Variants in PCDHA11 observed in about 807,000 individuals in gnomAD.
PCDHA11 encodes protocadherin alpha 11.
A neutral mutation model predicts 70.3 loss-of-function variants in PCDHA11; 61 were observed. That is an observed-to-expected ratio of 0.87 (90% confidence interval 0.71 to 1.07). The LOEUF is 1.07. Among genes scored for constraint, PCDHA11 ranks in the 50% least tolerant of loss-of-function variants. PCDHA11 has a pLI of 0.00. For missense variants in PCDHA11, 1,324 were observed against 1,237.5 expected (o/e 1.07, Z -1.05); for synonymous variants, 633 against 555.1 (o/e 1.14, Z -1.97).
intron 3 of PCDHA11, among the ~76,000 whole-genome samples, chr5:141,005,306 C>T (rs1563689503): frequency 6.6e-6 from 1 of 152,158 alleles, no homozygotes; most frequent in Non-Finnish European, 1.5e-5. Context: ...CTTTGTGAAT[C>T]TTACAGTGGT....
intron 1 of PCDHA11, chr5:140,927,658 C>T (rs782350503): frequency 5.0e-6 from 8 of 1,614,094 alleles, no homozygotes; most frequent in Non-Finnish European, 6.8e-6. Context: ...ATTCCGAGTT[C>T]AAGCCTTGGA....
At chr5:140,891,819 G>C (rs1282245838) in intron 1 of PCDHA11, among the ~76,000 whole-genome samples, 3 of 152,098 alleles carry the variant, frequency 2.0e-5, no homozygotes, top group African/African-American at 7.2e-5. Context: ...ATAAATTAAC[G>C]GCACTGTAAA....
intron 1 of PCDHA11, among the ~76,000 whole-genome samples, chr5:140,925,132 T>G (rs2082347636): frequency 6.6e-6 from 1 of 151,168 alleles, no homozygotes; most frequent in Non-Finnish European, 1.5e-5. Context: ...GAAAAAAAAT[T>G]TCAAACATAC....
chr5:140,911,405 C>T (rs565928237), intron 1 of PCDHA11, among the ~76,000 whole-genome samples: 45 of 152,276 alleles, frequency 3.0e-4, no homozygotes, highest in South Asian at 1.5e-3. Flanking sequence ...AGGTCAGCCA[C>T]TGGTATGATA....
intron 2 of PCDHA11, among the ~76,000 whole-genome samples, chr5:140,982,179 T>C (rs950269342): frequency 6.6e-6 from 1 of 152,396 alleles, no homozygotes. Flanking sequence ...CTTAGTCCTC[T>C]GATGGGCTTC....
chr5:140,870,992 T>G lies in PCDHA11; in HGVS notation c.1889T>G (p.Ile630Arg), dbSNP rs782714479. Residue 630 changes from isoleucine (I) to arginine (R), a missense_variant, in exon 1 of 4, where the codon ATA (isoleucine) becomes AGA (arginine). Ile to Arg is a moderately conservative substitution (Grantham distance 97). Transcript: ENST00000398640. ...PFRVGLYTGE[I>R]STTRALDEAD... ...CGCGTGGGGCTGTACACGGGCGAGA[T>G]AAGCACAACGCGTGCCCTGGACGAG... 1.9e-6 allele frequency: 3 copies of G among 1,613,478 alleles called. No homozygotes were observed. The highest frequency in any genetic ancestry group is 2.5e-6 in the Non-Finnish European group (3 of 1,179,870).
At chr5:141,005,130 T>C (rs2153983471) in intron 3 of PCDHA11, among the ~76,000 whole-genome samples, 1 of 152,358 alleles carries the variant, frequency 6.6e-6, no homozygotes, top group South Asian at 2.1e-4. Flanking sequence ...CAAAAGTGCC[T>C]CATTGGAGAG....
intron 3 of PCDHA11, among the ~76,000 whole-genome samples, chr5:141,005,571 G>A (rs1053042213): frequency 4.0e-5 from 6 of 151,334 alleles, no homozygotes; most frequent in African/African-American, 4.9e-5. Context: ...GCATGGTGGC[G>A]CGTGCCTGTA....
Position 141,010,037 on chromosome 5 carries a change from C to A in PCDHA11, c.*100C>A. The A allele has an allele frequency of 1.3e-6, 2 of 1,582,242 alleles. No individual in the cohort carries two copies. The highest frequency in any genetic ancestry group is 1.2e-5 in the South Asian group (1 of 84,630). On this transcript the variant is annotated 3_prime_UTR_variant, in exon 4 of 4. Transcript: ENST00000398640. ...GCTCCTTTTTCCTATCTACATGAGC[C>A]CTCTTAGAGACCTCAGAAATCTGCA...
intron 3 of PCDHA11, among the ~76,000 whole-genome samples, chr5:140,992,691 G>A (rs373170347): frequency 9.3e-4 from 142 of 152,244 alleles, no homozygotes; most frequent in Middle Eastern, 3.4e-3. Context: ...GGGTTGAGGG[G>A]TGGGTAATGT....
In PCDHA11 at chr5:140,870,216, C is replaced by G. The variant is rs1554163914; in HGVS notation, c.1113C>G (p.Ile371Met). Residue 371 changes from isoleucine to methionine, a missense_variant, in exon 1 of 4, where the codon ATC becomes ATG. Transcript: ENST00000398640. ...DAQPSTVIAL[I>M]SVSDRDSGVN... Reference sequence around the variant, plus strand: ...AGCCCAGCACGGTCATTGCCCTGATCAGCGTGTCTGACCGTGACTCAGGTG... The same window carrying G: ...AGCCCAGCACGGTCATTGCCCTGATGAGCGTGTCTGACCGTGACTCAGGTG... 3 of 1,614,070 alleles carry G rather than the reference C, an allele frequency of 1.9e-6. No homozygotes were observed. Among genetic ancestry groups the G allele is most frequent in the Admixed American group, 3.3e-5 (2 of 60,012 alleles).
chr5:141,008,438 A>G (rs1214725080), intron 3 of PCDHA11, among the ~76,000 whole-genome samples: 1 of 152,204 alleles, frequency 6.6e-6, no homozygotes, highest in Admixed American at 6.5e-5. Flanking sequence ...TTGCCCAGAC[A>G]GACCATTACC....
intron 1 of PCDHA11, chr5:140,876,687 C>T: frequency 6.2e-7 from 1 of 1,614,212 alleles, no homozygotes; most frequent in Non-Finnish European, 8.5e-7. Flanking sequence ...AGAATTACTA[C>T]TCGTTGGTGC....
At chr5:140,887,976 TA>T (rs1462545504) in intron 1 of PCDHA11, among the ~76,000 whole-genome samples, 1 of 152,256 alleles carries the variant, frequency 6.6e-6, no homozygotes, top group African/African-American at 2.4e-5. Context: ...TTTTAAAATT[TA>T]TTTTACATGT....
chr5:140,876,761 G>C (rs1554168887), intron 1 of PCDHA11: 2 of 1,614,238 alleles, frequency 1.2e-6, no homozygotes, highest in East Asian at 2.2e-5. Context: ...GCGCGGGATG[G>C]GGGCTCGCCT....
chr5:140,946,611 A>AATATATATAT (rs1554217734), intron 1 of PCDHA11, among the ~76,000 whole-genome samples: 3,697 of 86,664 alleles, frequency 0.043, 168 homozygotes, highest in Non-Finnish European at 0.054. Flanking sequence ...GAAAATGTGA[A>AATATATATAT]ATATATATAT....
chr5:140,969,823 T>C (rs782195981), intron 1 of PCDHA11, among the ~76,000 whole-genome samples: 3 of 152,248 alleles, frequency 2.0e-5, no homozygotes, highest in Non-Finnish European at 4.4e-5. Context: ...CTCTGGACTG[T>C]CTACAGTGGA....
At chr5:140,966,264 G>C (rs959228779) in intron 1 of PCDHA11, 3 of 347,414 alleles carry the variant, frequency 8.6e-6, no homozygotes, top group Non-Finnish European at 1.5e-5. Flanking sequence ...GTGGAGACTG[G>C]ATGAACTGGA....
Position 140,869,418 on chromosome 5 carries a change from C to T in PCDHA11, c.315C>T (p.His105=). ...GGCAGAGCGCGGAGTGCAGCATCCA[C>T]CTGGAGGTGATCGTGGACAGGCCGC... ...LCGQSAECSI[H]LEVIVDRPLQ... Residue 105 remains histidine, a synonymous_variant, in exon 1 of 4, where the codon CAC becomes CAT. Transcript: ENST00000398640. The T allele has an allele frequency of 1.2e-6, 2 of 1,614,174 alleles. No homozygotes were observed. The highest frequency in any genetic ancestry group is 1.6e-4 in the Middle Eastern group (1 of 6,062).
Sources: allele counts gnomAD v4.1 joint callset (sites outside exome capture counted in the v4.1 genomes callset), GRCh38; gene constraint gnomAD v4.1.1; transcripts MANE v1.5; gene names NCBI Gene and HGNC (gene_info 2026-07-23, HGNC 2026-07-21).